Variants in CTNNA2 observed in about 807,000 individuals in gnomAD.
The protein encoded by CTNNA2 is catenin alpha-2.
In CTNNA2, 42 loss-of-function variants were observed where a neutral mutation model predicts 101.0. The ratio of observed to expected loss-of-function variants is 0.42; its 90% CI spans 0.32 to 0.54. The LOEUF is 0.54. Among genes scored for constraint, CTNNA2 ranks in the 20% least tolerant of loss-of-function variants. The pLI is 0.14. For missense variants in CTNNA2, 871 were observed against 1,223.1 expected (o/e 0.71, Z 4.29); for synonymous variants, 450 against 456.4 (o/e 0.99, Z 0.18).
At chr2:80,590,151 T>G (rs1440821492) in intron 15 of CTNNA2, among the ~76,000 whole-genome samples, 1 of 152,212 alleles carries the variant, frequency 6.6e-6, no homozygotes, top group Non-Finnish European at 1.5e-5. Context: ...GGGTTAGTGC[T>G]CTTTTCTATC....
chr2:80,434,925 T>C (rs887101034), intron 9 of CTNNA2, among the ~76,000 whole-genome samples: 3 of 152,126 alleles, frequency 2.0e-5, no homozygotes, highest in Non-Finnish European at 4.4e-5. Flanking sequence ...TTTTTTTTCC[T>C]TGGGTAGAGA....
At chr2:80,124,908 AC>A (rs1385432840) in intron 7 of CTNNA2, among the ~76,000 whole-genome samples, 1 of 152,096 alleles carries the variant, frequency 6.6e-6, no homozygotes, top group East Asian at 1.9e-4. Flanking sequence ...GAATGAATAG[AC>A]TTGGAAGGCA....
chr2:79,316,581 T>C (rs1440605367), intron 3 of CTNNA2, among the ~76,000 whole-genome samples: 3 of 152,018 alleles, frequency 2.0e-5, no homozygotes, highest in Admixed American at 6.6e-5. Context: ...TTAAATCTTC[T>C]TTAGTATTTT....
At chr2:79,718,752 A>G (rs774813479) in intron 2 of CTNNA2, among the ~76,000 whole-genome samples, 3 of 152,126 alleles carry the variant, frequency 2.0e-5, no homozygotes, top group Non-Finnish European at 2.9e-5. Context: ...ATTTTTATCT[A>G]CAATGCCTGA....
At chr2:80,575,463 T>A (rs552964469) in intron 13 of CTNNA2, among the ~76,000 whole-genome samples, 1 of 152,036 alleles carries the variant, frequency 6.6e-6, no homozygotes, top group African/African-American at 2.4e-5. Flanking sequence ...GGGAGAGAGA[T>A]GCCTAGAAAT....
At chr2:79,673,353 G>T (rs1558825067) in intron 2 of CTNNA2, among the ~76,000 whole-genome samples, 1 of 152,032 alleles carries the variant, frequency 6.6e-6, no homozygotes, top group Non-Finnish European at 1.5e-5. Flanking sequence ...ATTTTAAAGT[G>T]AACGGTTACC....
At chr2:80,540,067 G>A (rs1404511850) in intron 9 of CTNNA2, among the ~76,000 whole-genome samples, 4 of 152,066 alleles carry the variant, frequency 2.6e-5, no homozygotes, top group Admixed American at 6.6e-5. Flanking sequence ...CATCTTTGGG[G>A]TTGCAATGTA....
intron 7 of CTNNA2, among the ~76,000 whole-genome samples, chr2:80,378,424 T>C (rs1340550713): frequency 1.4e-5 from 2 of 148,018 alleles, no homozygotes; most frequent in South Asian, 2.1e-4. Context: ...GAAGACATAA[T>C]GTCACATGAA....
At chr2:80,170,522 C>T (rs1704989296) in intron 7 of CTNNA2, among the ~76,000 whole-genome samples, 1 of 152,108 alleles carries the variant, frequency 6.6e-6, no homozygotes, top group South Asian at 2.1e-4. Context: ...GGACTGACTC[C>T]AGTCTCAAGA....
chr2:80,632,265 C>A (rs549045684), intron 18 of CTNNA2, among the ~76,000 whole-genome samples: 4 of 149,898 alleles, frequency 2.7e-5, no homozygotes, highest in Non-Finnish European at 5.9e-5. Context: ...GCAACATGAC[C>A]CCCCCCACCC....
chr2:80,259,729 GATTA>G (rs1424796909), intron 7 of CTNNA2, among the ~76,000 whole-genome samples: 1 of 152,202 alleles, frequency 6.6e-6, no homozygotes, highest in African/African-American at 2.4e-5. Context: ...GTGGCAGAAA[GATTA>G]ATTAAGCTAT....
chr2:80,101,614 G>A (rs1355707045), intron 7 of CTNNA2, among the ~76,000 whole-genome samples: 1 of 152,194 alleles, frequency 6.6e-6, no homozygotes, highest in Non-Finnish European at 1.5e-5. Flanking sequence ...AGTAATTCAG[G>A]TGCCATCCTT....
chr2:80,358,899 G>T (rs753111123), intron 7 of CTNNA2, among the ~76,000 whole-genome samples: 18 of 151,432 alleles, frequency 1.2e-4, no homozygotes, highest in Admixed American at 3.9e-4. Context: ...ACATGAAGAG[G>T]TTCTTTATAA....
chr2:79,242,969 A>ATATATATATATATAT (rs1674646204), intron 2 of CTNNA2, among the ~76,000 whole-genome samples: 22 of 127,358 alleles, frequency 1.7e-4, no homozygotes, highest in African/African-American at 5.8e-4. Context: ...CCTGTCTCGA[A>ATATATATATATATAT]ATATATATAT....
intron 7 of CTNNA2, among the ~76,000 whole-genome samples, chr2:80,108,269 G>T (rs1701010652): frequency 6.6e-6 from 1 of 152,162 alleles, no homozygotes; most frequent in Non-Finnish European, 1.5e-5. Flanking sequence ...ACCTAAGAAG[G>T]CTGTCACATT....
chr2:79,449,920 GA>G (rs1186184386), intron 4 of CTNNA2, among the ~76,000 whole-genome samples: 2 of 152,012 alleles, frequency 1.3e-5, no homozygotes, highest in African/African-American at 4.8e-5. Flanking sequence ...CTTAGAATTA[GA>G]ACATTATGTG....
chr2:80,058,756 G>A lies in CTNNA2; in HGVS notation c.1056+148959G>A, dbSNP rs114083865. Among the ~76,000 whole-genome samples, 1,222 of 152,078 alleles carry A rather than the reference G, an allele frequency of 8.0e-3. 15 individuals are homozygous for A. The highest frequency in any genetic ancestry group is 0.028 in the African/African-American group (1,154 of 41,486). Reference sequence around the variant, plus strand: ...ACTCTTTCATTGCGCAAATGCAACCGCAACCACAGAGGTACAATGAATCCC... The same window carrying A: ...ACTCTTTCATTGCGCAAATGCAACCACAACCACAGAGGTACAATGAATCCC... On this transcript the variant is annotated intron_variant, in intron 7 of 18. Transcript: ENST00000402739.
intron 2 of CTNNA2, among the ~76,000 whole-genome samples, chr2:79,699,238 G>A (rs934829538): frequency 4.6e-5 from 7 of 151,992 alleles, no homozygotes; most frequent in African/African-American, 1.4e-4. Flanking sequence ...ACTGATGAGC[G>A]TAAATGAGCA....
chr2:79,290,211 G>C (rs957174244), intron 2 of CTNNA2, among the ~76,000 whole-genome samples: 1 of 152,148 alleles, frequency 6.6e-6, no homozygotes, highest in Admixed American at 6.5e-5. Flanking sequence ...TCATTGGACT[G>C]GTCAACTAGT....
Sources: allele counts gnomAD v4.1 joint callset (sites outside exome capture counted in the v4.1 genomes callset), GRCh38; gene constraint gnomAD v4.1.1; transcripts MANE v1.5; gene names NCBI Gene and HGNC (gene_info 2026-07-23, HGNC 2026-07-21).